Variants in LRRN2 observed in about 807,000 individuals in gnomAD.
LRRN2 encodes leucine rich repeat neuronal 2, also known as leucine-rich repeat neuronal protein 2.
A neutral mutation model predicts 35.7 loss-of-function variants in LRRN2; 10 were observed. The observed-to-expected ratio is 0.28, with a 90% CI of 0.17 to 0.47. The LOEUF is 0.47. LRRN2 is among the 20% of genes least tolerant of loss of function. The pLI is 0.99. For missense variants in LRRN2, 731 were observed against 940.3 expected (o/e 0.78, Z 2.91); for synonymous variants, 391 against 409.6 (o/e 0.95, Z 0.55).
chr1:204,619,315 C>G lies in LRRN2; in HGVS notation c.678G>C (p.Arg226=). 1.2e-6 allele frequency: 2 copies of G among 1,614,194 alleles called. No homozygotes were observed. The highest frequency in any genetic ancestry group is 1.7e-6 in the Non-Finnish European group (2 of 1,180,046). Residue 226 remains arginine, a synonymous_variant, in exon 2 of 2, where the codon CGG becomes CGC. Coordinates refer to ENST00000367177, the MANE Select transcript of LRRN2 (RefSeq NM_201630.2). ...CCTCCAGGGCATAGTCGGAGATCTCCCGCAGGTTCATGCCTGCTAGCACCA... is the reference window on the plus strand; with the variant it reads ...CCTCCAGGGCATAGTCGGAGATCTCGCGCAGGTTCATGCCTGCTAGCACCA... ...RSLVLAGMNL[R]EISDYALEGL...
chr1:204,668,293 C>CA (rs1668631582), intron 1 of LRRN2, among the ~76,000 whole-genome samples: 1 of 152,140 alleles, frequency 6.6e-6, no homozygotes. Context: ...GGATATGCAG[C>CA]AGTAGAGATA....
intron 1 of LRRN2, among the ~76,000 whole-genome samples, chr1:204,667,489 A>C (rs951531979): frequency 3.3e-5 from 5 of 152,210 alleles, no homozygotes. Context: ...GTACATAGTA[A>C]ACCTTCAATA....
At position 204,619,089 on chromosome 1, in the gene LRRN2, C is replaced by T. The variant is rs1666637039; in HGVS notation, c.904G>A (p.Asp302Asn). ...GGGAGGTTCACCAGGGCAAACTTGT[C>T]GATGGAGACCAGCTCCTCCATGTTG... ...LNNMEELVSI[D>N]KFALVNLPEL... The change falls in exon 2 of 2, where the codon GAC (aspartate) becomes AAC (asparagine). Residue 302 changes from aspartate to asparagine, a missense_variant. Transcript: ENST00000367177. The T allele has an allele frequency of 1.2e-6, 2 of 1,606,956 alleles. No individual in the cohort carries two copies. The highest frequency in any genetic ancestry group is 1.7e-5 in the Admixed American group (1 of 59,520).
chr1:204,650,276 G>C (rs1011598262), intron 1 of LRRN2, among the ~76,000 whole-genome samples: 1 of 152,218 alleles, frequency 6.6e-6, no homozygotes, highest in Non-Finnish European at 1.5e-5. Flanking sequence ...ATTTGCAGTG[G>C]GCTAATTGTT....
At chr1:204,656,216 ATTC>A (rs1472306816) in intron 1 of LRRN2, among the ~76,000 whole-genome samples, 38 of 152,082 alleles carry the variant, frequency 2.5e-4, no homozygotes, top group African/African-American at 8.9e-4. Flanking sequence ...GCCCCCCTCT[ATTC>A]TTTCTTTGTC....
At chr1:204,672,441 C>G (rs1668734650) in intron 1 of LRRN2, among the ~76,000 whole-genome samples, 1 of 152,104 alleles carries the variant, frequency 6.6e-6, no homozygotes, top group Admixed American at 6.5e-5. Context: ...GCCCTTGGGT[C>G]AATTGGGGTC....
At chr1:204,676,197 G>A (rs917043885) in intron 1 of LRRN2, among the ~76,000 whole-genome samples, 10 of 151,274 alleles carry the variant, frequency 6.6e-5, no homozygotes, top group Non-Finnish European at 1.5e-4. Context: ...CACTTTACCT[G>A]TTGCAAAAGG....
chr1:204,674,887 C>T (rs989939120), intron 1 of LRRN2, among the ~76,000 whole-genome samples: 2 of 152,214 alleles, frequency 1.3e-5, no homozygotes, highest in African/African-American at 4.8e-5. Context: ...GTGCTCACGT[C>T]GCCTCTGCCC....
intron 1 of LRRN2, 105 bp from the exon 2 acceptor site, chr1:204,620,323 T>A (rs750982430): frequency 2.7e-6 from 2 of 744,120 alleles, no homozygotes; most frequent in Non-Finnish European, 3.8e-6. Context: ...TCACCCAGGC[T>A]GGAGTGCAGC....
At chr1:204,661,392 C>T (rs998267799) in intron 1 of LRRN2, among the ~76,000 whole-genome samples, 1 of 152,116 alleles carries the variant, frequency 6.6e-6, no homozygotes, top group Non-Finnish European at 1.5e-5. Flanking sequence ...AAGTTGCCCA[C>T]GTGATTTGTT....
intron 1 of LRRN2, among the ~76,000 whole-genome samples, chr1:204,662,769 A>G (rs189977232): frequency 1.9e-4 from 29 of 152,336 alleles, no homozygotes; most frequent in Admixed American, 7.2e-4. Context: ...TAACTTTGCC[A>G]CAATATCTTA....
At chr1:204,647,992 A>G (rs1466691372) in intron 1 of LRRN2, among the ~76,000 whole-genome samples, 4 of 152,210 alleles carry the variant, frequency 2.6e-5, no homozygotes, top group Non-Finnish European at 4.4e-5. Flanking sequence ...TGCAGCTTGC[A>G]TTATATTTCT....
intron 1 of LRRN2, chr1:204,682,848 T>C (rs1668983925): frequency 1.3e-5 from 2 of 152,218 alleles, no homozygotes; most frequent in Non-Finnish European, 2.9e-5. Flanking sequence ...GATAATTCAC[T>C]AGCATTGTTC....
intron 1 of LRRN2, among the ~76,000 whole-genome samples, chr1:204,642,372 A>C (rs1321555912): frequency 6.6e-6 from 1 of 152,262 alleles, no homozygotes; most frequent in African/African-American, 2.4e-5. Flanking sequence ...GCTTGGAGAC[A>C]GGTGCAGGTG....
rs116375054 is a variant in LRRN2 at position 204,645,894 on chromosome 1, T to C, written c.-226-25676A>G. On this transcript the variant is annotated intron_variant, in intron 1 of 1. Coordinates refer to ENST00000367177, the MANE Select transcript of LRRN2 (RefSeq NM_201630.2). Reference sequence around the variant, plus strand: ...ACGCCCATGATTCAATTACCACCACTTGGTCCCACCCTTGACATGTGGGGA... The same window carrying C: ...ACGCCCATGATTCAATTACCACCACCTGGTCCCACCCTTGACATGTGGGGA... Among the ~76,000 whole-genome samples the C allele has an allele frequency of 5.9e-3, 894 of 152,276 alleles. 9 individuals carry two copies. Among genetic ancestry groups the C allele is most frequent in the African/African-American group, 0.02 (841 of 41,530 alleles).
chr1:204,627,165 A>G (rs1667445421), intron 1 of LRRN2: 2 of 152,154 alleles, frequency 1.3e-5, no homozygotes, highest in Admixed American at 6.5e-5. Flanking sequence ...TCCTCATCCC[A>G]TCCTTCTGTG....
chr1:204,647,016 A>G (rs779438295), intron 1 of LRRN2, among the ~76,000 whole-genome samples: 5 of 152,096 alleles, frequency 3.3e-5, no homozygotes, highest in African/African-American at 4.8e-5. Context: ...GCTTTTACCC[A>G]CTTCTTGTAG....
chr1:204,624,048 T>C (rs1465984613), intron 1 of LRRN2, among the ~76,000 whole-genome samples: 1 of 152,212 alleles, frequency 6.6e-6, no homozygotes, highest in African/African-American at 2.4e-5. Context: ...CTCTACATCC[T>C]GCCTCACCAG....
intron 1 of LRRN2, among the ~76,000 whole-genome samples, chr1:204,635,902 G>A (rs1215128061): frequency 6.6e-6 from 1 of 152,228 alleles, no homozygotes; most frequent in Non-Finnish European, 1.5e-5. Context: ...TGCAGGGAAT[G>A]AGCATCTGTT....
Sources: gnomAD v4.1 joint callset for allele counts (sites outside exome capture counted in the v4.1 genomes callset) on GRCh38, gnomAD v4.1.1 for gene constraint, MANE v1.5 for transcripts, NCBI Gene and HGNC (gene_info 2026-07-23, HGNC 2026-07-21) for gene names.